The following CBR3 variants were observed in gnomAD, a reference collection of about 807,000 sequenced individuals.
The protein encoded by CBR3 is carbonyl reductase 3, also known as carbonyl reductase [NADPH] 3.
A neutral mutation model predicts 11.6 loss-of-function variants in CBR3; 14 were observed. The observed-to-expected ratio is 1.20, with a 90% CI of 0.79 to 1.88. The LOEUF (loss-of-function observed/expected upper bound fraction) is 1.88, where lower values mean the gene tolerates loss of function less well. Ranked by LOEUF, CBR3 falls within the 40% of genes most tolerant of loss-of-function variation. The pLI is 0.00. For synonymous variants in CBR3, 125 were observed against 145.6 expected (o/e 0.86, Z 1.02); for missense variants, 308 against 357.3 (o/e 0.86, Z 1.11).
rs779354792 is a variant in CBR3, at chr21:36,146,176, A to G, written c.498A>G (p.Gly166=). Reference sequence around the variant, plus strand: ...TCCACAGTGAGACACTCACAGAAGGAGACCTGGTGGATCTCATGAAAAAGT... The same window carrying G: ...TCCACAGTGAGACACTCACAGAAGGGGACCTGGTGGATCTCATGAAAAAGT... ...ERFHSETLTE[G]DLVDLMKKFV... is the part of the protein sequence containing the mutation. Residue 166 remains glycine, a synonymous_variant, in exon 3 of 3, where the codon GGA becomes GGG. Coordinates refer to ENST00000290354, the MANE Select transcript of CBR3 (RefSeq NM_001236.4). The G allele has an allele frequency of 3.7e-6, 6 of 1,614,046 alleles. No individual in the cohort carries two copies. The highest frequency in any genetic ancestry group is 1.6e-4 in the Middle Eastern group (1 of 6,084).
In CBR3 at chr21:36,141,774, C is replaced by T. The variant is rs1322039859; in HGVS notation, c.397+3842C>T. ...TGACGCATCTGGCTGACGAGGCTGA[C>T]TGTCAGCCTCTGGCCTCTCTCCCAG... On this transcript the variant is annotated intron_variant, in intron 2 of 2. Coordinates refer to ENST00000290354, the MANE Select transcript of CBR3 (RefSeq NM_001236.4). 2.8e-5 allele frequency: 6 copies of T among 217,330 alleles called. No homozygotes were observed. In the South Asian group the frequency reaches 8.2e-4, roughly 30 times the overall value. 13.5% of individuals were successfully genotyped at this position (217,330 alleles called of 1,614,324 possible). A position where few individuals can be genotyped will look rare whatever the true frequency, so the allele number is the denominator to read the frequency against.
intron 2 of CBR3, chr21:36,138,238 C>A (rs1038996840): frequency 9.5e-6 from 2 of 210,506 alleles, no homozygotes; most frequent in Admixed American, 5.5e-5. Context: ...ACCTCCACCT[C>A]CCGGGGTCAA....
intron 2 of CBR3, among the ~76,000 whole-genome samples, chr21:36,140,266 CA>C (rs2065698539): frequency 6.6e-6 from 1 of 151,904 alleles, no homozygotes; most frequent in Admixed American, 6.6e-5. Context: ...GGGATGAGAT[CA>C]TAGAAAGCCT....
Position 36,137,884 on chromosome 21 carries a change from G to C in CBR3, c.349G>C (p.Ala117Pro), listed in dbSNP as rs1171696967. 1 of 1,611,896 alleles carries C rather than the reference G, an allele frequency of 6.2e-7. No homozygotes were observed. Among genetic ancestry groups the C allele is most frequent in the Non-Finnish European group, 8.5e-7 (1 of 1,178,414 alleles). Residue 117 changes from alanine to proline, a missense_variant, in exon 2 of 3, where the codon GCC becomes CCC. By Grantham distance (27) the Ala-to-Pro change is conservative. Coordinates refer to ENST00000290354, the MANE Select transcript of CBR3 (RefSeq NM_001236.4). The part of the protein sequence containing the change: ...AEMTLKTNFF[A>P]TRNMCNELLP... ...GATGACACTGAAGACAAATTTTTTTGCCACTAGAAACATGTGCAACGAGTT... is the reference window on the plus strand; with the variant it reads ...GATGACACTGAAGACAAATTTTTTTCCCACTAGAAACATGTGCAACGAGTT...
chr21:36,136,029 G>T (rs1291543539), intron 1 of CBR3, among the ~76,000 whole-genome samples: 1 of 152,148 alleles, frequency 6.6e-6, no homozygotes, highest in Non-Finnish European at 1.5e-5. Context: ...AAAAGGAAGC[G>T]AGCCTTCTCG....
chr21:36,141,797 C>T (rs1426171889), intron 2 of CBR3: 1 of 345,902 alleles, frequency 2.9e-6, no homozygotes, highest in East Asian at 1.7e-4. Flanking sequence ...GCCTCTCTCC[C>T]AGAGGTGTGC....
chr21:36,142,436 A>ACAAAAAAAAAAAAC (rs1555883296), intron 2 of CBR3, among the ~76,000 whole-genome samples: 1 of 119,628 alleles, frequency 8.4e-6, no homozygotes, highest in African/African-American at 2.9e-5. Context: ...CATCTCAAAA[A>ACAAAAAAAAAAAAC]AAAAAAAAAA....
intron 1 of CBR3, chr21:36,137,474 GAGAA>G (rs1195559968): frequency 2.9e-4 from 57 of 194,326 alleles, no homozygotes; most frequent in African/African-American, 1.1e-3. Context: ...AGAAAAGAAA[GAGAA>G]AGAAAGAAAG....
chr21:36,138,924 T>C (rs1434813156), intron 2 of CBR3: 1 of 152,006 alleles, frequency 6.6e-6, no homozygotes, highest in Non-Finnish European at 1.5e-5. Flanking sequence ...TTTGTATTTT[T>C]AGTACAGATG....
intron 2 of CBR3, among the ~76,000 whole-genome samples, chr21:36,145,554 G>C (rs2065747267): frequency 6.6e-6 from 1 of 152,064 alleles, no homozygotes; most frequent in African/African-American, 2.4e-5. Context: ...TGCCCAGGCT[G>C]GTCTTGAACT....
At chr21:36,138,640 T>G (rs769667427) in intron 2 of CBR3, 1 of 152,146 alleles carries the variant, frequency 6.6e-6, no homozygotes, top group Non-Finnish European at 1.5e-5. Flanking sequence ...TTGGTATCTG[T>G]TTTAGCATTA....
intron 2 of CBR3, among the ~76,000 whole-genome samples, chr21:36,142,441 A>C (rs201060444): frequency 6.7e-6 from 1 of 149,640 alleles, no homozygotes; most frequent in Admixed American, 6.7e-5. Context: ...CAAAAAAAAA[A>C]AAAAAAACGC....
At chr21:36,146,028 G>T in intron 2 of CBR3, 48 bp from the exon 3 acceptor site, 1 of 1,259,886 alleles carries the variant, frequency 7.9e-7, no homozygotes, top group Non-Finnish European at 1.1e-6. Context: ...TTCAACCAGT[G>T]GTTGTACCTC....
At chr21:36,140,905 G>A (rs2065702811) in intron 2 of CBR3, among the ~76,000 whole-genome samples, 1 of 151,522 alleles carries the variant, frequency 6.6e-6, no homozygotes, top group Non-Finnish European at 1.5e-5. Flanking sequence ...CTAGTCGGGA[G>A]GCTGAGGCAG....
Position 36,135,143 on chromosome 21 carries a change from C to G in CBR3, c.-50C>G. ...TCCTCGGGGCGCGCCCCAGGTGGTC[C>G]GAAGCCCGGTCCGCCCTCCACGCAG... On this transcript the variant is annotated 5_prime_UTR_variant, in exon 1 of 3. Transcript: ENST00000290354. The G allele has an allele frequency of 1.4e-6, 2 of 1,410,680 alleles. No individual in the cohort carries two copies. The highest frequency in any genetic ancestry group is 3.1e-5 in the South Asian group (2 of 64,432). 87.4% of individuals were successfully genotyped at this position (1,410,680 alleles called of 1,614,324 possible). A position where few individuals can be genotyped will look rare whatever the true frequency, so the allele number is the denominator to read the frequency against.
At chr21:36,142,240 C>G (rs562119058) in intron 2 of CBR3, among the ~76,000 whole-genome samples, 58 of 151,952 alleles carry the variant, frequency 3.8e-4, no homozygotes, top group Non-Finnish European at 7.5e-4. Context: ...AGACTATCCT[C>G]GCTAACACGG....
Position 36,146,381 on chromosome 21 carries a change from A to G in CBR3, c.703A>G (p.Met235Val), listed in dbSNP as rs4987121. ...CTGCCCAGGACCAGTGAAGACAGACATGGATGGGAAAGACAGCATCAGGAC... is the reference window on the plus strand; with the variant it reads ...CTGCCCAGGACCAGTGAAGACAGACGTGGATGGGAAAGACAGCATCAGGAC... ...ACCPGPVKTD[M>V]DGKDSIRTVE... is the part of the protein sequence containing the mutation. The change falls in exon 3 of 3, where the codon ATG (methionine) becomes GTG (valine). Residue 235 changes from methionine to valine, a missense_variant. Coordinates refer to ENST00000290354, the MANE Select transcript of CBR3 (RefSeq NM_001236.4). The G allele has an allele frequency of 1.1e-5, 18 of 1,614,166 alleles. No individual in the cohort carries two copies. The highest frequency in any genetic ancestry group is 1.4e-5 in the Non-Finnish European group (16 of 1,180,026).
rs45574031 is a variant in CBR3 at position 36,137,503 on chromosome 21, A to G, written c.290-322A>G. The G allele has an allele frequency of 1.7e-4, 32 of 189,200 alleles. No individual in the cohort carries two copies. In the Middle Eastern group the frequency reaches 5.8e-3, roughly 34 times the overall value. The allele number at this position is 189,200 out of a possible 1,614,324, so 11.7% of individuals were successfully genotyped here. On this transcript the variant is annotated intron_variant, in intron 1 of 2. Coordinates refer to ENST00000290354, the MANE Select transcript of CBR3 (RefSeq NM_001236.4). ...AAGAAAGAAAGAAAAGAAAAGAAAG[A>G]AAGGAAGGAAGGAAGGAAGGAAGGA... is the stretch of plus-strand genomic sequence containing the variant.
intron 2 of CBR3, among the ~76,000 whole-genome samples, chr21:36,142,570 A>G (rs186100233): frequency 6.6e-6 from 1 of 152,284 alleles, no homozygotes; most frequent in Admixed American, 6.5e-5. Flanking sequence ...GTGTTGTATA[A>G]TGATAAATGC....
Sources: allele counts gnomAD v4.1 joint callset (sites outside exome capture counted in the v4.1 genomes callset), GRCh38; gene constraint gnomAD v4.1.1; transcripts MANE v1.5; gene names NCBI Gene and HGNC (gene_info 2026-07-23, HGNC 2026-07-21).